Variants in PALLD observed in about 807,000 individuals in gnomAD.
PALLD encodes palladin.
A neutral mutation model predicts 123.5 loss-of-function variants in PALLD; 61 were observed. The observed-to-expected ratio is 0.49, with a 90% confidence interval of 0.40 to 0.61. The LOEUF (loss-of-function observed/expected upper bound fraction) is 0.61. Among genes scored for constraint, PALLD ranks in the 20% least tolerant of loss-of-function variants. The pLI is 0.00. For missense variants in PALLD, 1,273 were observed against 1,377.0 expected, an observed-to-expected ratio of 0.92 and a Z score of 1.20; for synonymous variants, 465 against 496.4, an observed-to-expected ratio of 0.94 and a Z score of 0.84.
chr4:168,539,451 G>T, intron 2 of PALLD, among the ~76,000 whole-genome samples: 1 of 152,048 alleles, frequency 6.6e-6, no homozygotes, highest in East Asian at 1.9e-4. Context: ...AGCCACCCGT[G>T]GTGGCGCACC....
intron 2 of PALLD, among the ~76,000 whole-genome samples, chr4:168,610,048 T>C (rs925570404): frequency 2.6e-5 from 4 of 152,232 alleles, no homozygotes; most frequent in Admixed American, 1.3e-4. Context: ...CCAATGCATA[T>C]ATTTTTCTAC....
At chr4:168,598,386 A>T in intron 2 of PALLD, 1 of 620,136 alleles carries the variant, frequency 1.6e-6, no homozygotes, top group South Asian at 1.4e-5. Context: ...AGACTTGTTA[A>T]GCTGTCAGCA....
intron 10 of PALLD, among the ~76,000 whole-genome samples, chr4:168,746,380 C>CAAAA (rs747755592): frequency 0.06 from 2,236 of 36,970 alleles, 438 homozygotes; most frequent in Non-Finnish European, 0.086. Flanking sequence ...GAACCCGTCT[C>CAAAA]AAAAAAAAAA....
At chr4:168,913,602 A>G (rs1311741621) in intron 15 of PALLD, among the ~76,000 whole-genome samples, 3 of 152,094 alleles carry the variant, frequency 2.0e-5, no homozygotes, top group Non-Finnish European at 4.4e-5. Flanking sequence ...TTACAATTCA[A>G]CATCATGTGT....
intron 10 of PALLD, among the ~76,000 whole-genome samples, chr4:168,748,286 A>G (rs2150373641): frequency 6.6e-6 from 1 of 152,276 alleles, no homozygotes; most frequent in South Asian, 2.1e-4. Flanking sequence ...CTCACCCCAA[A>G]TCAGTTGAAC....
intron 2 of PALLD, among the ~76,000 whole-genome samples, chr4:168,628,656 C>T (rs1018830883): frequency 5.3e-5 from 8 of 152,116 alleles, no homozygotes; most frequent in South Asian, 2.1e-4. Flanking sequence ...TGCCCCTGGC[C>T]GCTCCGTTTT....
intron 2 of PALLD, among the ~76,000 whole-genome samples, chr4:168,616,435 T>C (rs1472048971): frequency 6.6e-6 from 1 of 152,190 alleles, no homozygotes; most frequent in Non-Finnish European, 1.5e-5. Flanking sequence ...GAGAATTTAG[T>C]TGCACTTCTT....
chr4:168,550,734 G>T (rs1159987878), intron 2 of PALLD, among the ~76,000 whole-genome samples: 2 of 152,124 alleles, frequency 1.3e-5, no homozygotes, highest in Non-Finnish European at 2.9e-5. Context: ...CTCACTTATA[G>T]GGGGTCAGTA....
intron 5 of PALLD, among the ~76,000 whole-genome samples, chr4:168,684,677 A>T (rs1284226561): frequency 6.6e-6 from 1 of 152,194 alleles, no homozygotes; most frequent in Non-Finnish European, 1.5e-5. Context: ...GAAAAGTGAA[A>T]CCCAGACCTC....
At chr4:168,807,070 G>C (rs989763431) in intron 10 of PALLD, among the ~76,000 whole-genome samples, 4 of 152,132 alleles carry the variant, frequency 2.6e-5, no homozygotes, top group East Asian at 3.9e-4. Context: ...AGGGCGATGA[G>C]AGCCAGAAAC....
At chr4:168,770,723 C>T (rs1416296117) in intron 10 of PALLD, among the ~76,000 whole-genome samples, 3 of 138,718 alleles carry the variant, frequency 2.2e-5, no homozygotes, top group Non-Finnish European at 3.3e-5. Flanking sequence ...TCAGAGAGAG[C>T]CAGAGCTTCA....
rs1762590470 is a variant in PALLD at position 168,926,454 on chromosome 4, A to G, written c.*274A>G. ...CTTGACCAACATATTCCTTTGTCAC[A>G]TTATGTAAAAGGCAGAAACATACCT... On this transcript the variant is annotated 3_prime_UTR_variant, in exon 22 of 22. Transcript: ENST00000505667. 3 of 1,132,778 alleles carry G rather than the reference A, an allele frequency of 2.6e-6. No homozygotes were observed. The highest frequency in any genetic ancestry group is 3.1e-5 in the African/African-American group (2 of 64,888). The allele number at this position is 1,132,778 out of a possible 1,614,324, so 70.2% of individuals were successfully genotyped here. A position where few individuals can be genotyped will look rare whatever the true frequency, so the allele number is the denominator to read the frequency against.
intron 14 of PALLD, among the ~76,000 whole-genome samples, chr4:168,902,992 G>A (rs1284392919): frequency 6.6e-6 from 1 of 151,902 alleles, no homozygotes; most frequent in Non-Finnish European, 1.5e-5. Flanking sequence ...TGAATTCCTG[G>A]GCTTGAGCAA....
At chr4:168,787,512 A>G (rs1190216200) in intron 10 of PALLD, among the ~76,000 whole-genome samples, 1 of 152,208 alleles carries the variant, frequency 6.6e-6, no homozygotes, top group African/African-American at 2.4e-5. Context: ...GTGGCTATTT[A>G]AATTTAAGTA....
chr4:168,895,402 A>G (rs906857872), intron 12 of PALLD, among the ~76,000 whole-genome samples: 2 of 152,164 alleles, frequency 1.3e-5, no homozygotes, highest in African/African-American at 4.8e-5. Context: ...AAAACTAAAA[A>G]CACATATACG....
chr4:168,618,928 G>A (rs1179580991), intron 2 of PALLD, among the ~76,000 whole-genome samples: 1 of 152,130 alleles, frequency 6.6e-6, no homozygotes, highest in Non-Finnish European at 1.5e-5. Context: ...ACACTTTCAG[G>A]CTTCTAGAAG....
At chr4:168,904,042 C>T (rs1391733964) in intron 15 of PALLD, 136 bp downstream of exon 15, 1 of 861,810 alleles carries the variant, frequency 1.2e-6, no homozygotes, top group African/African-American at 1.7e-5. Flanking sequence ...ATTCTACATC[C>T]ATCTTGGTTT....
intron 3 of PALLD, among the ~76,000 whole-genome samples, chr4:168,672,621 T>G (rs917279368): frequency 1.3e-4 from 19 of 151,408 alleles, no homozygotes; most frequent in African/African-American, 3.2e-4. Context: ...ACCACGCCCG[T>G]CTAATTTTTT....
In PALLD at chr4:168,845,312, C is replaced by G. The variant is rs115034466; in HGVS notation, c.1965-45610C>G. 2.5e-3 allele frequency among the ~76,000 whole-genome samples: 381 copies of G among 152,296 alleles called. 1 individual carries two copies. The highest frequency in any genetic ancestry group is 6.1e-3 in the Admixed American group (94 of 15,288). On this transcript the variant is annotated intron_variant, in intron 10 of 21. Coordinates refer to ENST00000505667, the MANE Select transcript of PALLD (RefSeq NM_001166108.2). Reference sequence around the variant, plus strand: ...CCTTTAAGGAATTTTAGGACCCTTACTAACACCTTTCTTCTTTTCCAATAG... The same window carrying G: ...CCTTTAAGGAATTTTAGGACCCTTAGTAACACCTTTCTTCTTTTCCAATAG...
Sources: gnomAD v4.1 joint callset for allele counts (sites outside exome capture counted in the v4.1 genomes callset) on GRCh38, gnomAD v4.1.1 for gene constraint, MANE v1.5 for transcripts, NCBI Gene and HGNC (gene_info 2026-07-23, HGNC 2026-07-21) for gene names.